Variants in PHF8 observed in about 807,000 individuals in gnomAD.
The protein encoded by PHF8 is PHD finger protein 8.
A neutral mutation model predicts 74.4 loss-of-function variants in PHF8; 9 were observed. The observed-to-expected ratio is 0.12, with a 90% CI of 0.07 to 0.21. The LOEUF is 0.21. Among genes scored for constraint, PHF8 ranks in the 10% least tolerant of loss-of-function variants. The pLI is 1.00. For missense variants in PHF8, 478 were observed against 816.6 expected (o/e 0.59, Z 5.05); for synonymous variants, 311 against 316.6 (o/e 0.98, Z 0.19).
chrX:54,039,121 G>A (rs1471232799), intron 2 of PHF8, among the ~76,000 whole-genome samples: 1 of 93,325 alleles, frequency 1.1e-5, no homozygotes, highest in East Asian at 3.3e-4. Flanking sequence ...GCAACAGAGT[G>A]AGACTCTGTC....
intron 2 of PHF8, among the ~76,000 whole-genome samples, chrX:54,023,952 T>C (rs1449183869): frequency 9.1e-6 from 1 of 109,409 alleles, no homozygotes; most frequent in Non-Finnish European, 1.9e-5. Flanking sequence ...AAGATCATGC[T>C]CATAAATGGA....
chrX:53,999,912 G>T lies in PHF8; in HGVS notation c.1191C>A (p.Gly397=). The T allele has an allele frequency of 8.3e-7, 1 of 1,205,744 alleles. No homozygotes were observed. The highest frequency in any genetic ancestry group is 3.0e-5 in the East Asian group (1 of 33,828). ...RHPASYLVHG[G]KALNLAFRAW... ...CTCTAAAGGCCAAGTTCAAGGCTTTGCCACCATGGACCAGGTAGGAGGCAG... is the reference window on the plus strand; with the variant it reads ...CTCTAAAGGCCAAGTTCAAGGCTTTTCCACCATGGACCAGGTAGGAGGCAG... Residue 397 remains glycine, a synonymous_variant, in exon 11 of 22, where the codon GGC becomes GGA. Coordinates refer to ENST00000338154, the MANE Select transcript of PHF8 (RefSeq NM_015107.3).
At chrX:54,014,267 T>G in intron 7 of PHF8, 110 bp downstream of exon 7, 1 of 645,491 alleles carries the variant, frequency 1.5e-6, no homozygotes, top group Non-Finnish European at 2.5e-6. Context: ...ATCAAATTTT[T>G]TTTATTCAAA....
chrX:54,023,058 C>T (rs2066204195), intron 2 of PHF8, among the ~76,000 whole-genome samples: 1 of 111,906 alleles, frequency 8.9e-6, no homozygotes, highest in Non-Finnish European at 1.9e-5. Flanking sequence ...TCACTGCAAC[C>T]TCTGCCTCCT....
chrX:53,954,499 C>CAAAAAAAAAAAA (rs1180184175), intron 19 of PHF8, among the ~76,000 whole-genome samples: 4 of 13,124 alleles, frequency 3.0e-4, no homozygotes, highest in African/African-American at 4.7e-4. Flanking sequence ...GACTCTGTCT[C>CAAAAAAAAAAAA]AAAAAAAAAA....
At chrX:54,025,587 C>CCTACA (rs2066254223) in intron 2 of PHF8, among the ~76,000 whole-genome samples, 1 of 111,603 alleles carries the variant, frequency 9.0e-6, no homozygotes, top group Non-Finnish European at 1.9e-5. Context: ...CAGTATCCAT[C>CCTACA]TGGAGACACA....
chrX:54,030,870 A>T (rs1557112403), intron 2 of PHF8, among the ~76,000 whole-genome samples: 2 of 111,865 alleles, frequency 1.8e-5, no homozygotes, highest in African/African-American at 3.2e-5. Flanking sequence ...TCTGCATCTC[A>T]GTTTCTGCAT....
chrX:54,007,268 G>A (rs910543363), intron 8 of PHF8, among the ~76,000 whole-genome samples: 1 of 111,624 alleles, frequency 9.0e-6, no homozygotes, highest in African/African-American at 3.3e-5. Context: ...AAATCAAAAT[G>A]GATGAAAGAT....
chrX:53,964,189 C>T (rs1290442264), intron 18 of PHF8, among the ~76,000 whole-genome samples: 6 of 108,620 alleles, frequency 5.5e-5, no homozygotes, highest in African/African-American at 2.0e-4. Flanking sequence ...ACAATGAGAA[C>T]ACATGAAAAC....
At position 53,937,951 on chromosome X, in the gene PHF8, A is replaced by C. The variant is rs950895958; in HGVS notation, c.*1207T>G. ...CAATCCACGAAGGAAGGACAGGGGA[A>C]GGGGAGGATCGGATGGATGGTCTGC... On this transcript the variant is annotated 3_prime_UTR_variant, in exon 22 of 22. Transcript: ENST00000338154. 1.8e-6 allele frequency: 2 copies of C among 1,116,628 alleles called. No homozygotes were observed. Among genetic ancestry groups the C allele is most frequent in the Non-Finnish European group, 2.4e-6 (2 of 828,306 alleles). The allele number at this position is 1,116,628 out of a possible 1,213,427, so 92.0% of individuals were successfully genotyped here. A position where few individuals can be genotyped will look rare whatever the true frequency, so the allele number is the denominator to read the frequency against.
intron 2 of PHF8, among the ~76,000 whole-genome samples, chrX:54,035,929 T>C (rs2066445659): frequency 1.8e-5 from 2 of 109,825 alleles, no homozygotes. Flanking sequence ...CTGACGAACA[T>C]GGAGAAACCC....
chrX:54,044,033 G>A lies in PHF8; in HGVS notation c.-364C>T, dbSNP rs1407671113. The A allele has an allele frequency of 9.3e-6, 7 of 754,257 alleles. No homozygotes were observed. The East Asian group carries it at 7.6e-4, about 82-fold the overall frequency. 62.2% of individuals were successfully genotyped at this position (754,257 alleles called of 1,213,427 possible). On this transcript the variant is annotated 5_prime_UTR_variant, in exon 1 of 22. Coordinates refer to ENST00000338154, the MANE Select transcript of PHF8 (RefSeq NM_015107.3). ...CCCCGTACCGCCGGGAACCTCGCTCGCCTTCCCCTCGAGCCCCCCGCTGGG... is the reference window on the plus strand; with the variant it reads ...CCCCGTACCGCCGGGAACCTCGCTCACCTTCCCCTCGAGCCCCCCGCTGGG...
At chrX:53,990,160 T>A (rs184302262) in intron 14 of PHF8, among the ~76,000 whole-genome samples, 2 of 111,676 alleles carry the variant, frequency 1.8e-5, no homozygotes, top group Non-Finnish European at 1.9e-5. Flanking sequence ...TAATAATTTT[T>A]AAAAAAATTT....
At position 53,963,830 on chromosome X, in the gene PHF8, T is replaced by C. The variant is rs782180854; in HGVS notation, c.2444-891A>G. On this transcript the variant is annotated intron_variant, in intron 18 of 21. Coordinates refer to ENST00000338154, the MANE Select transcript of PHF8 (RefSeq NM_015107.3). Reference sequence around the variant, plus strand: ...ACCACTGTGGAAGACAGTGTGGCGATTCCTCAGGGATCTAGAACGAGAAAT... The same window carrying C: ...ACCACTGTGGAAGACAGTGTGGCGACTCCTCAGGGATCTAGAACGAGAAAT... 7.1e-5 allele frequency among the ~76,000 whole-genome samples: 8 copies of C among 112,032 alleles called. No individual in the cohort carries two copies. The East Asian group carries it at 2.2e-3, about 31-fold the overall frequency.
intron 12 of PHF8, chrX:53,995,228 G>C (rs1389488423): frequency 5.9e-6 from 2 of 339,374 alleles, no homozygotes; most frequent in Non-Finnish European, 1.2e-5. Context: ...AGAATGCAGA[G>C]ACTGAGTCAA....
intron 2 of PHF8, among the ~76,000 whole-genome samples, chrX:54,036,067 G>A (rs1196521706): frequency 5.2e-5 from 5 of 96,423 alleles, no homozygotes; most frequent in African/African-American, 1.6e-4. Flanking sequence ...GCCAAATCGC[G>A]CTCCAGCCTG....
At chrX:54,006,208 G>A (rs1284665174) in intron 8 of PHF8, among the ~76,000 whole-genome samples, 1 of 111,926 alleles carries the variant, frequency 8.9e-6, no homozygotes, top group Non-Finnish European at 1.9e-5. Flanking sequence ...TGGGCCCGGT[G>A]CGGTGACTCA....
intron 14 of PHF8, among the ~76,000 whole-genome samples, chrX:53,988,789 A>T (rs1194059756): frequency 9.2e-6 from 1 of 108,412 alleles, no homozygotes; most frequent in Non-Finnish European, 1.9e-5. Context: ...TGTATACTTG[A>T]AATTTCATAA....
chrX:53,994,051 A>G, intron 12 of PHF8, 148 bp from the exon 13 acceptor site: 1 of 463,831 alleles, frequency 2.2e-6, no homozygotes, highest in African/African-American at 2.4e-5. Context: ...CTTTTACATA[A>G]TGAGTCATCA....
Sources: allele counts gnomAD v4.1 joint callset (sites outside exome capture counted in the v4.1 genomes callset), GRCh38; gene constraint gnomAD v4.1.1; transcripts MANE v1.5; gene names NCBI Gene and HGNC (gene_info 2026-07-23, HGNC 2026-07-21).